The following CNNM1 variants were observed in gnomAD, a reference collection of about 807,000 sequenced individuals.
CNNM1 encodes cyclin and CBS domain divalent metal cation transport mediator 1.
CNNM1 carries 44 observed loss-of-function variants against 78.8 expected under a neutral mutation model. The observed-to-expected ratio is 0.56, with a 90% CI of 0.44 to 0.72. The LOEUF is 0.72. Ranked by LOEUF, CNNM1 falls within the 30% of genes least tolerant of loss-of-function variation. CNNM1 has a pLI of 0.00. For missense variants in CNNM1, 1,101 were observed against 1,292.2 expected, an observed-to-expected ratio of 0.85 and a Z score of 2.27; for synonymous variants, 584 against 581.5, an observed-to-expected ratio of 1.00 and a Z score of -0.06.
Position 99,387,836 on chromosome 10 carries a change from A to G in CNNM1, c.2357A>G (p.Tyr786Cys), listed in dbSNP as rs1449651435. The change falls in exon 8 of 11, where the codon TAT (tyrosine) becomes TGT (cysteine). Residue 786 changes from tyrosine (Y) to cysteine (C), a missense_variant. Transcript: ENST00000356713. ...VQFVKITRQQ[Y>C]QNALTACHMD... Reference sequence around the variant, plus strand: ...TCCTTCCAGATCACACGGCAGCAATATCAGAACGCACTCACTGCCTGCCAC... The same window carrying G: ...TCCTTCCAGATCACACGGCAGCAATGTCAGAACGCACTCACTGCCTGCCAC... 6.2e-7 allele frequency: 1 copy of G among 1,604,406 alleles called. No individual in the cohort carries two copies. The highest frequency in any genetic ancestry group is 8.5e-7 in the Non-Finnish European group (1 of 1,175,490).
intron 6 of CNNM1, among the ~76,000 whole-genome samples, chr10:99,369,011 TG>T (rs2031720508): frequency 6.6e-6 from 1 of 152,210 alleles, no homozygotes; most frequent in Non-Finnish European, 1.5e-5. Context: ...GTAGGAATAG[TG>T]GAATACTGTG....
At chr10:99,366,626 A>C (rs2031629336) in intron 6 of CNNM1, among the ~76,000 whole-genome samples, 1 of 152,154 alleles carries the variant, frequency 6.6e-6, no homozygotes, top group African/African-American at 2.4e-5. Context: ...TACTAAAAAT[A>C]CAAAAATTAG....
chr10:99,358,970 G>C (rs914695433), intron 2 of CNNM1, among the ~76,000 whole-genome samples: 122 of 118,370 alleles, frequency 1.0e-3, no homozygotes, highest in African/African-American at 3.8e-3. Context: ...CAGCACTCCA[G>C]CATGGGAGCC....
intron 1 of CNNM1, among the ~76,000 whole-genome samples, chr10:99,349,365 G>C (rs900154634): frequency 4.6e-5 from 7 of 152,090 alleles, no homozygotes; most frequent in Non-Finnish European, 1.0e-4. Flanking sequence ...CGAGAATCAC[G>C]AGTCGGAGTC....
chr10:99,332,094 A>C (rs961573926), intron 1 of CNNM1, among the ~76,000 whole-genome samples: 2 of 152,206 alleles, frequency 1.3e-5, no homozygotes, highest in Non-Finnish European at 2.9e-5. Context: ...CTAGTTCACC[A>C]GATTTGGCCC....
intron 6 of CNNM1, among the ~76,000 whole-genome samples, chr10:99,370,666 A>G (rs2031769652): frequency 6.6e-6 from 1 of 152,204 alleles, no homozygotes; most frequent in African/African-American, 2.4e-5. Context: ...TCGATCGTCC[A>G]TTCATAGTGT....
intron 7 of CNNM1, among the ~76,000 whole-genome samples, chr10:99,383,866 A>G (rs1274290195): frequency 6.6e-6 from 1 of 152,202 alleles, no homozygotes; most frequent in Non-Finnish European, 1.5e-5. Flanking sequence ...CCATGTATAA[A>G]TACAGCCATT....
At chr10:99,386,634 G>A (rs1274830221) in intron 7 of CNNM1, among the ~76,000 whole-genome samples, 1 of 152,314 alleles carries the variant, frequency 6.6e-6, no homozygotes, top group Middle Eastern at 3.4e-3. Context: ...ATATCCTGAA[G>A]TTGGTTAAAG....
At chr10:99,383,728 G>T (rs1042824169) in intron 7 of CNNM1, among the ~76,000 whole-genome samples, 2 of 152,190 alleles carry the variant, frequency 1.3e-5, no homozygotes, top group African/African-American at 4.8e-5. Context: ...GAAGCTGGGT[G>T]GGACCAGTGG....
intron 2 of CNNM1, 104 bp from the exon 3 acceptor site, chr10:99,360,731 T>C (rs1423314619): frequency 1.4e-6 from 2 of 1,425,050 alleles, no homozygotes; most frequent in Non-Finnish European, 1.9e-6. Context: ...CACCCATAGT[T>C]GACACTGCAG....
intron 7 of CNNM1, among the ~76,000 whole-genome samples, chr10:99,381,441 T>C (rs1343999423): frequency 2.8e-5 from 4 of 142,628 alleles, no homozygotes; most frequent in Non-Finnish European, 6.1e-5. Flanking sequence ...AAAAAGAGTG[T>C]TATTCAAAAA....
At chr10:99,334,404 G>A (rs532776298) in intron 1 of CNNM1, among the ~76,000 whole-genome samples, 1 of 152,308 alleles carries the variant, frequency 6.6e-6, no homozygotes, top group South Asian at 2.1e-4. Context: ...TGTAATCCCA[G>A]CATTTTGGGA....
chr10:99,356,336 C>T (rs921618144), intron 1 of CNNM1, among the ~76,000 whole-genome samples: 1 of 151,752 alleles, frequency 6.6e-6, no homozygotes, highest in Non-Finnish European at 1.5e-5. Context: ...ATTAGCTGGG[C>T]GTGGTGGTGC....
chr10:99,357,363 G>C, intron 1 of CNNM1, 149 bp from the exon 2 acceptor site: 1 of 577,324 alleles, frequency 1.7e-6, no homozygotes, highest in Non-Finnish European at 2.8e-6. Flanking sequence ...ATTTATAAGC[G>C]CTTGCATAAA....
At chr10:99,389,775 C>T (rs955813557) in intron 9 of CNNM1, among the ~76,000 whole-genome samples, 10 of 152,154 alleles carry the variant, frequency 6.6e-5, no homozygotes, top group African/African-American at 1.9e-4. Flanking sequence ...TCCAACACAC[C>T]GCTCTGCCTT....
chr10:99,338,668 A>G (rs2134017045), intron 1 of CNNM1, among the ~76,000 whole-genome samples: 1 of 152,310 alleles, frequency 6.6e-6, no homozygotes, highest in African/African-American at 2.4e-5. Flanking sequence ...AGAAAAAAGA[A>G]GTATGAAAAT....
At chr10:99,356,580 G>GAA (rs369960532) in intron 1 of CNNM1, among the ~76,000 whole-genome samples, 1 of 54,782 alleles carries the variant, frequency 1.8e-5, no homozygotes, top group Non-Finnish European at 5.6e-5. Flanking sequence ...AAGAAAGAAA[G>GAA]AAAGAAAGAA....
intron 6 of CNNM1, among the ~76,000 whole-genome samples, chr10:99,366,851 G>A (rs919091900): frequency 2.6e-5 from 4 of 152,048 alleles, no homozygotes; most frequent in Non-Finnish European, 4.4e-5. Flanking sequence ...CCTGTTTCTA[G>A]TTCTTTCTTT....
intron 6 of CNNM1, among the ~76,000 whole-genome samples, chr10:99,374,662 A>G (rs1040236761): frequency 6.6e-6 from 1 of 152,220 alleles, no homozygotes; most frequent in Non-Finnish European, 1.5e-5. Flanking sequence ...AAACCTTTTT[A>G]TAAAACAAAT....
Sources: allele counts gnomAD v4.1 joint callset (sites outside exome capture counted in the v4.1 genomes callset), GRCh38; gene constraint gnomAD v4.1.1; transcripts MANE v1.5; gene names NCBI Gene and HGNC (gene_info 2026-07-23, HGNC 2026-07-21).